SNX29: variants seen among roughly 807,000 people sequenced by gnomAD.
SNX29 encodes the protein sorting nexin 29.
In SNX29, 78 loss-of-function variants were observed where a neutral mutation model predicts 102.1. The ratio of observed to expected loss-of-function variants is 0.76; its 90% CI spans 0.64 to 0.92. The LOEUF (loss-of-function observed/expected upper bound fraction) is 0.92, where lower values mean the gene tolerates loss of function less well. Ranked by LOEUF, SNX29 falls within the 40% of genes least tolerant of loss-of-function variation. The pLI, the probability that SNX29 is intolerant of heterozygous loss-of-function variation, is 0.00. For synonymous variants in SNX29, 580 were observed against 414.5 expected (o/e 1.40, Z -4.85); for missense variants, 1,280 against 1,061.7 (o/e 1.21, Z -2.86).
chr16:12,008,251 C>T (rs116983578), intron 3 of SNX29, among the ~76,000 whole-genome samples: 14 of 143,664 alleles, frequency 9.7e-5, no homozygotes, highest in Admixed American at 5.7e-4. Context: ...GCCTGCTTTT[C>T]GCTACTTTTT....
chr16:12,180,089 G>A (rs185723488), intron 13 of SNX29, among the ~76,000 whole-genome samples: 7 of 151,868 alleles, frequency 4.6e-5, no homozygotes, highest in Non-Finnish European at 7.4e-5. Context: ...TTCTCCAGGG[G>A]CTTCTGTTTT....
chr16:12,489,125 A>G (rs62028456), intron 19 of SNX29, among the ~76,000 whole-genome samples: 5,357 of 152,276 alleles, frequency 0.035, 141 homozygotes, highest in African/African-American at 0.058. Context: ...ACAACTTAGA[A>G]GAGTATTTCT....
intron 20 of SNX29, among the ~76,000 whole-genome samples, chr16:12,565,148 G>A (rs2078943966): frequency 6.6e-6 from 1 of 151,940 alleles, no homozygotes; most frequent in Non-Finnish European, 1.5e-5. Flanking sequence ...CACTTCCTTT[G>A]CCAGTTTACA....
chr16:12,155,019 T>C (rs1288463014), intron 13 of SNX29, among the ~76,000 whole-genome samples: 4 of 152,202 alleles, frequency 2.6e-5, no homozygotes, highest in South Asian at 2.1e-4. Flanking sequence ...ATGAAGAATG[T>C]CACGGGAACA....
intron 5 of SNX29, 43 bp downstream of exon 5, chr16:12,043,120 G>A: frequency 4.4e-6 from 7 of 1,605,378 alleles, no homozygotes; most frequent in Non-Finnish European, 5.9e-6. Flanking sequence ...GGAGCAAGAG[G>A]TGAAGATCTT....
chr16:12,090,844 G>C (rs2052490002), intron 11 of SNX29, among the ~76,000 whole-genome samples: 1 of 151,732 alleles, frequency 6.6e-6, no homozygotes, highest in Admixed American at 6.6e-5. Context: ...GTGAAACCCT[G>C]TCTCTACTAA....
intron 3 of SNX29, among the ~76,000 whole-genome samples, chr16:12,019,797 C>T (rs1003524826): frequency 4.0e-5 from 6 of 151,694 alleles, no homozygotes; most frequent in African/African-American, 7.3e-5. Flanking sequence ...CCACCACACC[C>T]GACTTTTTTT....
intron 10 of SNX29, among the ~76,000 whole-genome samples, chr16:12,071,859 TG>T (rs1236564803): frequency 6.6e-6 from 1 of 152,236 alleles, no homozygotes; most frequent in East Asian, 1.9e-4. Context: ...AGCAGTGGTT[TG>T]TAGTTCTCCT....
intron 20 of SNX29, among the ~76,000 whole-genome samples, chr16:12,539,429 T>G (rs2077223821): frequency 6.6e-6 from 1 of 152,208 alleles, no homozygotes. Context: ...GAGTCAGCAG[T>G]GTTTTTATTA....
rs534660725 is a variant in SNX29, at chr16:12,484,442, C to T, written c.2178+6583C>T. Among the ~76,000 whole-genome samples, 5 of 152,302 alleles carry T rather than the reference C, an allele frequency of 3.3e-5. No homozygotes were observed. In the East Asian group the frequency reaches 9.6e-4, roughly 29 times the overall value. On this transcript the variant is annotated intron_variant, in intron 19 of 20. Coordinates refer to ENST00000566228, the MANE Select transcript of SNX29 (RefSeq NM_032167.5). ...TGTAGCAAGAGTGAGATTTGTACAA[C>T]ATAAATCTGATTGTGTCAGCTGTAG...
chr16:12,537,207 G>A (rs919926849), intron 20 of SNX29, among the ~76,000 whole-genome samples: 1 of 152,184 alleles, frequency 6.6e-6, no homozygotes, highest in East Asian at 1.9e-4. Flanking sequence ...AAATTGCTGA[G>A]CTTAGAGACC....
At chr16:12,521,827 G>T (rs2090112458) in intron 19 of SNX29, among the ~76,000 whole-genome samples, 3 of 152,214 alleles carry the variant, frequency 2.0e-5, no homozygotes, top group Admixed American at 6.5e-5. Flanking sequence ...CTCCAGCTTG[G>T]GTTGGAGGAC....
chr16:12,417,322 C>G (rs1006352471), intron 18 of SNX29, among the ~76,000 whole-genome samples: 9 of 152,198 alleles, frequency 5.9e-5, no homozygotes, highest in South Asian at 2.1e-4. Context: ...CAGAAGTGAG[C>G]TTCCATGGAA....
intron 20 of SNX29, among the ~76,000 whole-genome samples, chr16:12,529,683 C>T (rs1428833361): frequency 2.6e-5 from 4 of 152,084 alleles, no homozygotes; most frequent in Non-Finnish European, 5.9e-5. Flanking sequence ...GCCGCCGCCC[C>T]CATTTGCTGC....
chr16:12,164,568 G>A (rs190232982), intron 13 of SNX29, among the ~76,000 whole-genome samples: 10 of 152,106 alleles, frequency 6.6e-5, no homozygotes, highest in African/African-American at 1.9e-4. Context: ...CTTTGAAAGG[G>A]GCCATACAGC....
In SNX29 at chr16:12,069,247, T is replaced by C; in HGVS notation, c.1319+115T>C. Reference sequence around the variant, plus strand: ...CTGCTAGGATTAAAGGGCAAGGGTTTACTTCACATTTATGTTCAGATTTAG... The same window carrying C: ...CTGCTAGGATTAAAGGGCAAGGGTTCACTTCACATTTATGTTCAGATTTAG... On this transcript the variant is annotated intron_variant, in intron 10 of 20. Transcript: ENST00000566228. 4.8e-6 allele frequency: 4 copies of C among 826,384 alleles called. No homozygotes were observed. In the Admixed American group the frequency reaches 1.1e-4, roughly 22 times the overall value. The allele number at this position is 826,384 out of a possible 1,614,324, so 51.2% of individuals were successfully genotyped here. A position where few individuals can be genotyped will look rare whatever the true frequency, so the allele number is the denominator to read the frequency against.
At chr16:12,063,667 C>T (rs1405147360) in intron 9 of SNX29, among the ~76,000 whole-genome samples, 1 of 152,058 alleles carries the variant, frequency 6.6e-6, no homozygotes, top group Non-Finnish European at 1.5e-5. Context: ...GCATGAGCCA[C>T]CGTGCCCGGC....
chr16:12,172,626 G>A (rs1390283175), intron 13 of SNX29, among the ~76,000 whole-genome samples: 1 of 152,172 alleles, frequency 6.6e-6, no homozygotes, highest in Admixed American at 6.5e-5. Flanking sequence ...AATCAGGCAA[G>A]GTGCTTAGAA....
intron 14 of SNX29, among the ~76,000 whole-genome samples, chr16:12,234,131 T>A (rs944815120): frequency 2.6e-5 from 4 of 152,154 alleles, no homozygotes; most frequent in African/African-American, 9.7e-5. Flanking sequence ...GATTGCTGGG[T>A]CAAAGCGGCT....
Sources: allele counts gnomAD v4.1 joint callset (sites outside exome capture counted in the v4.1 genomes callset), GRCh38; gene constraint gnomAD v4.1.1; transcripts MANE v1.5; gene names NCBI Gene and HGNC (gene_info 2026-07-23, HGNC 2026-07-21).